Variants in SPMAP2 observed in about 807,000 individuals in gnomAD.
The protein encoded by SPMAP2 is Theg homolog.
At chr19:374,472 G>T in the SPMAP2 span, 44 of 1,611,176 alleles carry the variant, frequency 2.7e-5, no homozygotes, top group Admixed American at 5.0e-5. Flanking sequence ...GCCCCGATGC[G>T]TTTGGGAGCC....
At chr19:362,274 G>A in the SPMAP2 span, 1 of 1,598,132 alleles carries the variant, frequency 6.3e-7, no homozygotes, top group Non-Finnish European at 8.5e-7. Context: ...GAGGCGAGGG[G>A]ACGCCTGTCG....
chr19:372,795 T>G, the SPMAP2 span: 16 of 1,233,820 alleles, frequency 1.3e-5, no homozygotes, highest in Admixed American at 2.1e-4. Context: ...TTTCATGAGC[T>G]TGGGCAGGAG....
At chr19:374,221 G>A in the SPMAP2 span, 1 of 1,583,206 alleles carries the variant, frequency 6.3e-7, no homozygotes. Context: ...GAGCAGTGGG[G>A]ACAGGAGGAG....
the SPMAP2 span, among the ~76,000 whole-genome samples, chr19:375,500 A>G: frequency 1.3e-5 from 2 of 152,042 alleles, no homozygotes. Context: ...CCAAGCCCAC[A>G]CCTAGGCTGA....
At chr19:375,696 T>C in the SPMAP2 span, 1 of 1,601,984 alleles carries the variant, frequency 6.2e-7, no homozygotes, top group South Asian at 1.1e-5. Context: ...CAAGTCCTTG[T>C]CCAGGACTCT....
chr19:367,304 A>G, the SPMAP2 span: 1 of 1,371,114 alleles, frequency 7.3e-7, no homozygotes, highest in Non-Finnish European at 9.8e-7. Flanking sequence ...GGACCCCAGG[A>G]GCAACACTGA....
At chr19:366,088 C>T in the SPMAP2 span, among the ~76,000 whole-genome samples, 3 of 151,794 alleles carry the variant, frequency 2.0e-5, no homozygotes, top group South Asian at 2.1e-4. Flanking sequence ...TGCAGTGAGC[C>T]GAGATCGCGC....
chr19:374,511 C>G, the SPMAP2 span: 1 of 1,548,878 alleles, frequency 6.5e-7, no homozygotes, highest in Admixed American at 1.8e-5. Context: ...GCTCAAGCGC[C>G]TTTTGTCTGC....
chr19:363,462 G>A, the SPMAP2 span, among the ~76,000 whole-genome samples: 5 of 151,868 alleles, frequency 3.3e-5, no homozygotes, highest in African/African-American at 1.2e-4. Context: ...CAAAGGGCTG[G>A]CATTACAGGC....
the SPMAP2 span, among the ~76,000 whole-genome samples, chr19:370,642 G>A: frequency 6.6e-6 from 1 of 152,068 alleles, no homozygotes; most frequent in Non-Finnish European, 1.5e-5. Flanking sequence ...GAGCCACCGC[G>A]CCCGGCGTAT....
chr19:367,404 A>G, the SPMAP2 span, among the ~76,000 whole-genome samples: 1 of 152,334 alleles, frequency 6.6e-6, no homozygotes, highest in East Asian at 1.9e-4. Flanking sequence ...CCTCCAAACC[A>G]ATAACCAAAA....
the SPMAP2 span, chr19:374,336 C>T: frequency 3.1e-6 from 5 of 1,614,122 alleles, no homozygotes; most frequent in Admixed American, 8.3e-5. Flanking sequence ...TTGGGCTCTG[C>T]CAGCTCCATG....
At chr19:362,452 G>T in the SPMAP2 span, 60 of 1,545,910 alleles carry the variant, frequency 3.9e-5, no homozygotes, top group Non-Finnish European at 5.3e-5. Flanking sequence ...GAGAAGGACA[G>T]CACTGAAGCT....
chr19:366,401 G>C, the SPMAP2 span, among the ~76,000 whole-genome samples: 1 of 152,186 alleles, frequency 6.6e-6, no homozygotes, highest in African/African-American at 2.4e-5. Flanking sequence ...CCGTGTGTGT[G>C]TGGCGAGCAC....
chr19:372,602 G>C, the SPMAP2 span: 1 of 1,610,088 alleles, frequency 6.2e-7, no homozygotes, highest in South Asian at 1.1e-5. Flanking sequence ...TCTGCCTTCT[G>C]AGTAGCCACC....
the SPMAP2 span, chr19:372,693 G>T: frequency 1.2e-6 from 2 of 1,614,022 alleles, no homozygotes; most frequent in Non-Finnish European, 1.7e-6. Flanking sequence ...CCACGCGGCG[G>T]GACACCGCTA....
At chr19:370,534 TAG>T in the SPMAP2 span, among the ~76,000 whole-genome samples, 1 of 148,560 alleles carries the variant, frequency 6.7e-6, no homozygotes, top group African/African-American at 2.5e-5. Flanking sequence ...GTATTTTTAG[TAG>T]AGACAGGGTT....
the SPMAP2 span, chr19:374,053 G>A: frequency 6.3e-7 from 1 of 1,597,036 alleles, no homozygotes; most frequent in Non-Finnish European, 8.6e-7. Context: ...CTCTTGCCCT[G>A]GGTCTCCCGT....
chr19:365,044 C>T, the SPMAP2 span, among the ~76,000 whole-genome samples: 1 of 152,240 alleles, frequency 6.6e-6, no homozygotes. Flanking sequence ...TGTGGAGTCT[C>T]TTCCACTAGG....
Sources: allele counts gnomAD v4.1 joint callset (sites outside exome capture counted in the v4.1 genomes callset), GRCh38; gene constraint gnomAD v4.1.1; transcripts MANE v1.5; gene names NCBI Gene and HGNC (gene_info 2026-07-23, HGNC 2026-07-21).